The following SCML2 variants were observed in gnomAD, a reference collection of about 807,000 sequenced individuals.
The protein encoded by SCML2 is Scm polycomb group protein like 2.
SCML2 carries 6 observed loss-of-function variants against 48.4 expected under a neutral mutation model. The observed-to-expected ratio is 0.12, with a 90% confidence interval of 0.07 to 0.24. The LOEUF (loss-of-function observed/expected upper bound fraction) is 0.24. SCML2 is among the 10% of genes least tolerant of loss of function. The pLI is 1.00. For missense variants in SCML2, 377 were observed against 528.2 expected (o/e 0.71, Z 2.81); for synonymous variants, 181 against 189.5 (o/e 0.95, Z 0.37).
intron 5 of SCML2, among the ~76,000 whole-genome samples, chrX:18,321,419 T>G (rs1160953469): frequency 9.1e-6 from 1 of 110,200 alleles, no homozygotes; most frequent in Admixed American, 9.8e-5. Context: ...GAACTTGGTA[T>G]GCGCCCCTGA....
intron 11 of SCML2, among the ~76,000 whole-genome samples, chrX:18,255,315 C>A (rs1025997113): frequency 1.8e-5 from 2 of 112,001 alleles, no homozygotes; most frequent in East Asian, 5.6e-4. Flanking sequence ...AGGCTCAGTA[C>A]TTTGTCTATG....
chrX:18,263,055 A>G (rs1348950742), intron 8 of SCML2, among the ~76,000 whole-genome samples: 2 of 111,322 alleles, frequency 1.8e-5, no homozygotes, highest in African/African-American at 6.6e-5. Flanking sequence ...TCCTTAGAAT[A>G]TTTTATAATG....
chrX:18,311,535 A>C lies in SCML2; in HGVS notation c.487-6320T>G, dbSNP rs185695712. Among the ~76,000 whole-genome samples the C allele has an allele frequency of 2.0e-3, 225 of 111,926 alleles. 1 individual carries two copies. Among genetic ancestry groups the C allele is most frequent in the Non-Finnish European group, 3.5e-3 (187 of 53,180 alleles). On this transcript the variant is annotated intron_variant, in intron 6 of 14. Transcript: ENST00000251900. ...ATGTGAGCAGAAATCTGAAGGAGGG[A>C]AATGGACAGAACCAAGGCCCTAAAG...
chrX:18,266,648 T>C (rs760057792), intron 7 of SCML2, among the ~76,000 whole-genome samples: 1 of 112,581 alleles, frequency 8.9e-6, no homozygotes, highest in South Asian at 3.7e-4. Flanking sequence ...AGTGAAACAT[T>C]TATACATCTA....
chrX:18,331,184 C>T (rs1379156990), intron 2 of SCML2, among the ~76,000 whole-genome samples: 4 of 92,185 alleles, frequency 4.3e-5, no homozygotes, highest in Non-Finnish European at 8.3e-5. Flanking sequence ...CACTTGAACC[C>T]GGGAGGCAGA....
intron 11 of SCML2, among the ~76,000 whole-genome samples, chrX:18,255,304 G>T (rs1770202339): frequency 8.9e-6 from 1 of 112,048 alleles, no homozygotes; most frequent in Admixed American, 9.5e-5. Flanking sequence ...GAGAACTAGA[G>T]AGGCTCAGTA....
At chrX:18,254,701 A>G (rs1926776105) in intron 11 of SCML2, among the ~76,000 whole-genome samples, 1 of 111,632 alleles carries the variant, frequency 9.0e-6, no homozygotes, top group Non-Finnish European at 1.9e-5. Flanking sequence ...AGGTGGAAGG[A>G]TCACTTGAGG....
In SCML2 at chrX:18,315,926, C is replaced by T. The variant is rs1455791018; in HGVS notation, c.486+4406G>A. Among the ~76,000 whole-genome samples, 5 of 109,271 alleles carry T rather than the reference C, an allele frequency of 4.6e-5. No individual in the cohort carries two copies. In the East Asian group the frequency reaches 1.4e-3, roughly 31 times the overall value. 94.9% of individuals were successfully genotyped at this position (109,271 alleles called of 115,157 possible). On this transcript the variant is annotated intron_variant, in intron 6 of 14. Coordinates refer to ENST00000251900, the MANE Select transcript of SCML2 (RefSeq NM_006089.3). ...TTTTTTTGGAGAGCCTATTTCTCTGCTGTTATTTTAGGTTGACAGTCTGCC... is the reference window on the plus strand; with the variant it reads ...TTTTTTTGGAGAGCCTATTTCTCTGTTGTTATTTTAGGTTGACAGTCTGCC...
At chrX:18,345,878 A>C (rs1051483321) in intron 1 of SCML2, among the ~76,000 whole-genome samples, 1 of 105,213 alleles carries the variant, frequency 9.5e-6, no homozygotes, top group Admixed American at 1.0e-4. Flanking sequence ...CACACACACA[A>C]AGTAGCTGGG....
intron 6 of SCML2, among the ~76,000 whole-genome samples, chrX:18,306,857 G>A (rs1338344156): frequency 1.8e-5 from 2 of 110,341 alleles, no homozygotes; most frequent in African/African-American, 6.6e-5. Flanking sequence ...TTATAGAGAT[G>A]AGGGCCTCGC....
chrX:18,284,515 A>G (rs1233468774), intron 7 of SCML2, among the ~76,000 whole-genome samples: 4 of 112,246 alleles, frequency 3.6e-5, no homozygotes, highest in African/African-American at 1.3e-4. Context: ...CACATCCAAC[A>G]AAAGTCTAAT....
chrX:18,251,466 A>G (rs2060426479), intron 11 of SCML2, among the ~76,000 whole-genome samples: 2 of 111,367 alleles, frequency 1.8e-5, no homozygotes, highest in African/African-American at 6.5e-5. Flanking sequence ...AATGAAACCA[A>G]TTAAAAATGG....
intron 7 of SCML2, among the ~76,000 whole-genome samples, chrX:18,273,529 CTCCCTCCA>C (rs1238861858): frequency 9.0e-6 from 1 of 111,649 alleles, no homozygotes; most frequent in Non-Finnish European, 1.9e-5. Context: ...TGTATGCTTC[CTCCCTCCA>C]AATGTCTAGC....
chrX:18,286,888 C>T (rs950414755), intron 7 of SCML2, among the ~76,000 whole-genome samples: 19 of 111,139 alleles, frequency 1.7e-4, no homozygotes, highest in African/African-American at 5.9e-4. Context: ...GGTAGCTGTT[C>T]CAGTTTTTAT....
chrX:18,332,234 G>C (rs1359838337), intron 2 of SCML2, among the ~76,000 whole-genome samples: 1 of 112,394 alleles, frequency 8.9e-6, no homozygotes, highest in African/African-American at 3.2e-5. Flanking sequence ...TTATTTTCCT[G>C]TATTTCTAGT....
In SCML2 at chrX:18,239,514, G is replaced by C. The variant is rs982595344; in HGVS notation, c.*1737C>G. 1 of 112,387 alleles carries C rather than the reference G, an allele frequency of 8.9e-6. No individual in the cohort carries two copies. Among genetic ancestry groups the C allele is most frequent in the Non-Finnish European group, 1.9e-5 (1 of 53,261 alleles). The allele number at this position is 112,387 out of a possible 1,213,427, so 9.3% of individuals were successfully genotyped here. A position where few individuals can be genotyped will look rare whatever the true frequency, so the allele number is the denominator to read the frequency against. Reference sequence around the variant, plus strand: ...CTATTCTTTAAATAGTTGCATTCATGTCTAAAGTACATTTGGTTTTCTAAA... The same window carrying C: ...CTATTCTTTAAATAGTTGCATTCATCTCTAAAGTACATTTGGTTTTCTAAA... On this transcript the variant is annotated 3_prime_UTR_variant, in exon 15 of 15. Coordinates refer to ENST00000251900, the MANE Select transcript of SCML2 (RefSeq NM_006089.3).
intron 7 of SCML2, among the ~76,000 whole-genome samples, chrX:18,288,029 A>T (rs752021364): frequency 1.8e-5 from 2 of 111,938 alleles, no homozygotes; most frequent in South Asian, 7.4e-4. Context: ...TAATATTTTC[A>T]GAAGAAAGTT....
At chrX:18,321,968 G>C (rs752943300) in intron 5 of SCML2, among the ~76,000 whole-genome samples, 14 of 111,487 alleles carry the variant, frequency 1.3e-4, no homozygotes, top group Admixed American at 9.6e-4. Flanking sequence ...CAGGTCTTCT[G>C]GGGGGCTGAT....
chrX:18,253,170 TCCTGGGAAAGTAACA>T (rs760712141), intron 11 of SCML2, among the ~76,000 whole-genome samples: 1 of 111,298 alleles, frequency 9.0e-6, no homozygotes, highest in South Asian at 3.8e-4. Flanking sequence ...TCAATCAAAA[TCCTGGGAAAGTAACA>T]CCTGAAGAAT....
Sources: allele counts gnomAD v4.1 joint callset (sites outside exome capture counted in the v4.1 genomes callset), GRCh38; gene constraint gnomAD v4.1.1; transcripts MANE v1.5; gene names NCBI Gene and HGNC (gene_info 2026-07-23, HGNC 2026-07-21).